The following RBM47 variants were observed in gnomAD, a reference collection of about 807,000 sequenced individuals.
RBM47 encodes RNA-binding protein 47.
In RBM47, 21 loss-of-function variants were observed where a neutral mutation model predicts 47.1. The ratio of observed to expected loss-of-function variants is 0.45; its 90% confidence interval spans 0.32 to 0.64. The LOEUF (loss-of-function observed/expected upper bound fraction) is 0.64, where lower values mean the gene tolerates loss of function less well. Ranked by LOEUF, RBM47 falls within the 30% of genes least tolerant of loss-of-function variation. RBM47 has a pLI of 0.05. For missense variants in RBM47, 708 were observed against 870.9 expected (o/e 0.81, Z 2.35); for synonymous variants, 375 against 361.7 (o/e 1.04, Z -0.42).
intron 3 of RBM47, among the ~76,000 whole-genome samples, chr4:40,446,283 G>A (rs1331612811): frequency 6.6e-6 from 1 of 152,188 alleles, no homozygotes; most frequent in African/African-American, 2.4e-5. Context: ...GGCACAGAGA[G>A]GCTAAGTAGA....
At chr4:40,554,033 G>A (rs190376595) in intron 1 of RBM47, among the ~76,000 whole-genome samples, 1 of 152,244 alleles carries the variant, frequency 6.6e-6, no homozygotes, top group East Asian at 1.9e-4. Flanking sequence ...GTGAACATCA[G>A]GAGACGCGGG....
chr4:40,599,721 G>T (rs1735069292), intron 1 of RBM47, among the ~76,000 whole-genome samples: 1 of 140,888 alleles, frequency 7.1e-6, no homozygotes, highest in African/African-American at 2.7e-5. Flanking sequence ...CTTCAGATGA[G>T]AATACAGAAA....
intron 1 of RBM47, among the ~76,000 whole-genome samples, chr4:40,559,105 C>T (rs1470946091): frequency 6.6e-6 from 1 of 152,174 alleles, no homozygotes; most frequent in African/African-American, 2.4e-5. Flanking sequence ...GTATTTATCC[C>T]TATTACAAGG....
At chr4:40,517,125 C>T (rs1293299449) in intron 2 of RBM47, among the ~76,000 whole-genome samples, 1 of 146,954 alleles carries the variant, frequency 6.8e-6, no homozygotes, top group Non-Finnish European at 1.5e-5. Flanking sequence ...TCCTTCCTTC[C>T]CTCCTTCCTT....
At chr4:40,620,064 G>A (rs1428918429) in intron 1 of RBM47, among the ~76,000 whole-genome samples, 2 of 151,766 alleles carry the variant, frequency 1.3e-5, no homozygotes, top group Admixed American at 6.6e-5. Context: ...AGGCCTCATA[G>A]CTCATGCCTG....
chr4:40,618,092 A>C (rs1350936086), intron 1 of RBM47, among the ~76,000 whole-genome samples: 1 of 152,034 alleles, frequency 6.6e-6, no homozygotes, highest in Non-Finnish European at 1.5e-5. Flanking sequence ...AATACAAAAA[A>C]TTAGCCAAGC....
chr4:40,536,729 T>G (rs868752540), intron 2 of RBM47, among the ~76,000 whole-genome samples: 7 of 151,962 alleles, frequency 4.6e-5, no homozygotes, highest in Non-Finnish European at 8.8e-5. Context: ...TTTTGTTTTT[T>G]TTTTATTGTT....
chr4:40,615,419 G>A lies in RBM47; in HGVS notation c.-240+13977C>T, dbSNP rs1192750954. On this transcript the variant is annotated intron_variant, in intron 1 of 6. Coordinates refer to ENST00000295971, the MANE Select transcript of RBM47 (RefSeq NM_001098634.2). Reference sequence around the variant, plus strand: ...GATCACTCCACTGCACTACAGCCTGGATGACAAAAGTAAGTACTGTTCCAG... The same window carrying A: ...GATCACTCCACTGCACTACAGCCTGAATGACAAAAGTAAGTACTGTTCCAG... Among the ~76,000 whole-genome samples the A allele has an allele frequency of 2.6e-5, 4 of 152,180 alleles. No individual in the cohort carries two copies. The East Asian group carries it at 7.7e-4, about 29-fold the overall frequency.
chr4:40,615,154 A>C (rs71608045), intron 1 of RBM47, among the ~76,000 whole-genome samples: 1 of 152,024 alleles, frequency 6.6e-6, no homozygotes, highest in Non-Finnish European at 1.5e-5. Context: ...AAAATAAGAA[A>C]CCATGCATGG....
intron 3 of RBM47, among the ~76,000 whole-genome samples, chr4:40,464,799 G>A (rs1038344025): frequency 6.5e-4 from 94 of 144,800 alleles, no homozygotes; most frequent in Middle Eastern, 3.6e-3. Flanking sequence ...GCTGAGGCAG[G>A]AGAATGGCGT....
chr4:40,511,087 A>C (rs1440809961), intron 2 of RBM47, among the ~76,000 whole-genome samples: 1 of 152,192 alleles, frequency 6.6e-6, no homozygotes, highest in Non-Finnish European at 1.5e-5. Flanking sequence ...TTCATCCTGC[A>C]AAAAGCAAAA....
At chr4:40,586,059 G>A (rs558047732) in intron 1 of RBM47, among the ~76,000 whole-genome samples, 1 of 152,322 alleles carries the variant, frequency 6.6e-6, no homozygotes, top group African/African-American at 2.4e-5. Context: ...CCAGCACTAT[G>A]CAAAACGCCA....
rs542856309 is a variant in RBM47, at chr4:40,477,955, G to T, written c.-154-11256C>A. Among the ~76,000 whole-genome samples, 12 of 150,074 alleles carry T rather than the reference G, an allele frequency of 8.0e-5. 1 individual carries two copies. The East Asian group carries it at 2.3e-3, about 29-fold the overall frequency. On this transcript the variant is annotated intron_variant, in intron 2 of 6. Transcript: ENST00000295971. ...CTCCTACTACACAGCCCTCTGTATA[G>T]GCACGTGTGCATCACAGTAGAAAAG...
intron 2 of RBM47, among the ~76,000 whole-genome samples, chr4:40,516,811 C>T (rs1725633618): frequency 1.3e-5 from 2 of 152,180 alleles, no homozygotes; most frequent in Admixed American, 1.3e-4. Flanking sequence ...CCTGGTCTAA[C>T]CTGCTCTCCC....
rs756991432 is a variant in RBM47, at chr4:40,425,914, T to C, written c.1772A>G (p.Gln591Arg). The part of the protein sequence containing the change: ...AIQVPIPDVY[Q>R]TY ...TGCTGGTCACCAGCCTCAGTATGTCTGGTAGACGTCGGGGATGGGGACCTG... is the reference window on the plus strand; with the variant it reads ...TGCTGGTCACCAGCCTCAGTATGTCCGGTAGACGTCGGGGATGGGGACCTG... Residue 591 changes from glutamine (Q) to arginine (R), a missense_variant, in exon 7 of 7, where the codon CAG becomes CGG. Physicochemically the swap from Gln to Arg is conservative, Grantham distance 43. Coordinates refer to ENST00000295971, the MANE Select transcript of RBM47 (RefSeq NM_001098634.2). 6.2e-7 allele frequency: 1 copy of C among 1,614,204 alleles called. No individual in the cohort carries two copies. The highest frequency in any genetic ancestry group is 1.1e-5 in the South Asian group (1 of 91,080).
intron 3 of RBM47, among the ~76,000 whole-genome samples, chr4:40,449,257 C>T (rs1715034440): frequency 6.6e-6 from 1 of 152,166 alleles, no homozygotes; most frequent in Non-Finnish European, 1.5e-5. Flanking sequence ...AAGCATGGCC[C>T]TTGGGGCACA....
At chr4:40,510,501 G>T (rs1724784953) in intron 2 of RBM47, among the ~76,000 whole-genome samples, 1 of 152,116 alleles carries the variant, frequency 6.6e-6, no homozygotes, top group African/African-American at 2.4e-5. Context: ...AGCAAAAGAG[G>T]CAAGCATAAA....
At chr4:40,605,186 C>G (rs538425825) in intron 1 of RBM47, among the ~76,000 whole-genome samples, 46 of 149,148 alleles carry the variant, frequency 3.1e-4, no homozygotes, top group Non-Finnish European at 4.7e-4. Flanking sequence ...CCGCGCCCAG[C>G]TAATTTTTTT....
At position 40,438,438 on chromosome 4, in the gene RBM47, G is replaced by A. The variant is rs765770141; in HGVS notation, c.456C>T (p.Arg152=). ...TCTTGGGGATCCCGCCGATGAAGAG[G>A]CGGCAGTTGTCCACGCTGCAGCACA... ...LGVCCSVDNC[R]LFIGGIPKMK... is the part of the protein sequence containing the mutation. Residue 152 remains arginine, a synonymous_variant, in exon 4 of 7, where the codon CGC becomes CGT. Coordinates refer to ENST00000295971, the MANE Select transcript of RBM47 (RefSeq NM_001098634.2). The A allele has an allele frequency of 1.2e-5, 19 of 1,613,558 alleles. No individual in the cohort carries two copies. The highest frequency in any genetic ancestry group is 1.5e-5 in the Non-Finnish European group (18 of 1,180,002).
Sources: gnomAD v4.1 joint callset for allele counts (sites outside exome capture counted in the v4.1 genomes callset) on GRCh38, gnomAD v4.1.1 for gene constraint, MANE v1.5 for transcripts, NCBI Gene and HGNC (gene_info 2026-07-23, HGNC 2026-07-21) for gene names.